The following BLVRA variants were observed in gnomAD, a reference collection of about 807,000 sequenced individuals.
BLVRA encodes biliverdin reductase A.
BLVRA carries 22 observed loss-of-function variants against 32.8 expected under a neutral mutation model. That is an observed-to-expected ratio of 0.67 (90% CI 0.48 to 0.96). The LOEUF (loss-of-function observed/expected upper bound fraction) is 0.96, where lower values mean the gene tolerates loss of function less well. Ranked by LOEUF, BLVRA falls within the 40% of genes least tolerant of loss-of-function variation. The probability of loss-of-function intolerance (pLI) is 0.00; values close to 1 mark genes in which losing one functional copy is unlikely to be tolerated. For missense variants in BLVRA, 323 were observed against 358.1 expected (o/e 0.90, Z 0.79); for synonymous variants, 119 against 141.3 (o/e 0.84, Z 1.12).
intron 6 of BLVRA, among the ~76,000 whole-genome samples, chr7:43,801,480 A>G (rs1240646630): frequency 6.6e-6 from 1 of 152,202 alleles, no homozygotes; most frequent in African/African-American, 2.4e-5. Flanking sequence ...CTTTCATTAC[A>G]GAAAGGAGAC....
At chr7:43,759,662 C>T (rs1424392361) in intron 1 of BLVRA, among the ~76,000 whole-genome samples, 1 of 152,214 alleles carries the variant, frequency 6.6e-6, no homozygotes, top group Non-Finnish European at 1.5e-5. Flanking sequence ...TAGCTGTCAT[C>T]ATCACCACCT....
At position 43,771,292 on chromosome 7, in the gene BLVRA, T is replaced by C. The variant is rs371378477; in HGVS notation, c.12+122T>C. 67 of 1,187,976 alleles carry C rather than the reference T, an allele frequency of 5.6e-5. No individual in the cohort carries two copies. The African/African-American group carries it at 8.9e-4, about 16-fold the overall frequency. The allele number at this position is 1,187,976 out of a possible 1,614,324, so 73.6% of individuals were successfully genotyped here. A position where few individuals can be genotyped will look rare whatever the true frequency, so the allele number is the denominator to read the frequency against. ...CACAAACTTGAGAACATTTCCCCTCTAGCCTACTGAAGTGCACGTGGTTCT... is the reference window on the plus strand; with the variant it reads ...CACAAACTTGAGAACATTTCCCCTCCAGCCTACTGAAGTGCACGTGGTTCT... On this transcript the variant is annotated intron_variant, in intron 2 of 7. Coordinates refer to ENST00000265523, the MANE Select transcript of BLVRA (RefSeq NM_000712.4).
Position 43,807,076 on chromosome 7 carries a change from A to T in BLVRA, c.732A>T (p.Val244=). 2 of 1,614,240 alleles carry T rather than the reference A, an allele frequency of 1.2e-6. No homozygotes were observed. The highest frequency in any genetic ancestry group is 1.7e-6 in the Non-Finnish European group (2 of 1,180,034). The change falls in exon 8 of 8, where the codon GTA becomes GTT. Residue 244 remains valine, a synonymous_variant. Coordinates refer to ENST00000265523, the MANE Select transcript of BLVRA (RefSeq NM_000712.4). ...GGTCCTTGGAGAATGTGCCAAATGTAGGAGTGAATAAGAACATATTTCTGA... is the reference window on the plus strand; with the variant it reads ...GGTCCTTGGAGAATGTGCCAAATGTTGGAGTGAATAAGAACATATTTCTGA... ...KSGSLENVPN[V]GVNKNIFLKD... is the part of the protein sequence containing the mutation.
chr7:43,762,605 C>CTTTTTT (rs1563533682), intron 1 of BLVRA, among the ~76,000 whole-genome samples: 1 of 118,652 alleles, frequency 8.4e-6, no homozygotes, highest in Non-Finnish European at 1.8e-5. Flanking sequence ...CCCAGTAGTT[C>CTTTTTT]CTTTTTTTTT....
intron 1 of BLVRA, among the ~76,000 whole-genome samples, chr7:43,763,093 C>A (rs1351239477): frequency 6.6e-6 from 1 of 152,094 alleles, no homozygotes. Context: ...TTTAAGGAGA[C>A]TTTTTATAGA....
intron 3 of BLVRA, among the ~76,000 whole-genome samples, chr7:43,790,916 A>G (rs531693373): frequency 6.6e-6 from 1 of 152,204 alleles, no homozygotes; most frequent in South Asian, 2.1e-4. Flanking sequence ...CAAGTGATCC[A>G]CCCACCTCGG....
chr7:43,774,219 C>G (rs983807280), intron 2 of BLVRA, among the ~76,000 whole-genome samples: 1 of 152,178 alleles, frequency 6.6e-6, no homozygotes, highest in African/African-American at 2.4e-5. Context: ...TTGCCCATGC[C>G]TATGTCCTGA....
intron 2 of BLVRA, among the ~76,000 whole-genome samples, chr7:43,778,098 G>A (rs1343169056): frequency 6.6e-6 from 1 of 152,090 alleles, no homozygotes; most frequent in Non-Finnish European, 1.5e-5. Flanking sequence ...ATTTCCTCCT[G>A]TAGCTCAGAG....
chr7:43,803,610 C>CCCCCTCCTGCTTT, intron 6 of BLVRA, 66 bp from the exon 7 acceptor site: 1 of 1,471,920 alleles, frequency 6.8e-7, no homozygotes, highest in Non-Finnish European at 9.4e-7. Context: ...ACCCCCACCC[C>CCCCCTCCTGCTTT]CCTGTCCTGC....
At position 43,788,839 on chromosome 7, in the gene BLVRA, A is replaced by T. The variant is rs1285312630; in HGVS notation, c.134+814A>T. Among the ~76,000 whole-genome samples, 9 of 146,896 alleles carry T rather than the reference A, an allele frequency of 6.1e-5. No individual in the cohort carries two copies. In the East Asian group the frequency reaches 1.8e-3, roughly 29 times the overall value. On this transcript the variant is annotated intron_variant, in intron 3 of 7. Transcript: ENST00000265523. ...TTTTTTGTAGAGACAGGGTCTCCCT[A>T]TGTTGCCTAGACTGGTCTCAAACTC...
At chr7:43,799,830 A>C (rs1022476297) in intron 5 of BLVRA, among the ~76,000 whole-genome samples, 3 of 152,168 alleles carry the variant, frequency 2.0e-5, no homozygotes, top group African/African-American at 7.2e-5. Flanking sequence ...CTAGAACAGT[A>C]GCTAACTGTC....
At chr7:43,792,888 A>C in intron 5 of BLVRA, 76 bp downstream of exon 5, 2 of 1,375,898 alleles carry the variant, frequency 1.5e-6, no homozygotes, top group South Asian at 2.4e-5. Context: ...ACTTAACCCC[A>C]TTTCAGATAT....
At chr7:43,797,707 G>A (rs578191591) in intron 5 of BLVRA, among the ~76,000 whole-genome samples, 1 of 152,232 alleles carries the variant, frequency 6.6e-6, no homozygotes, top group African/African-American at 2.4e-5. Flanking sequence ...ATGGCAAAAT[G>A]ACTGAGTTCA....
At chr7:43,791,219 G>C in intron 3 of BLVRA, 30 bp from the exon 4 acceptor site, 1 of 1,613,678 alleles carries the variant, frequency 6.2e-7, no homozygotes, top group Non-Finnish European at 8.5e-7. Context: ...GTCTACCATT[G>C]AGTTCCATTT....
chr7:43,791,207 C>T (rs2095785489), intron 3 of BLVRA, 42 bp from the exon 4 acceptor site: 1 of 1,612,688 alleles, frequency 6.2e-7, no homozygotes, highest in Non-Finnish European at 8.5e-7. Context: ...CTCCTTTCTT[C>T]TGTCTACCAT....
At chr7:43,761,921 A>C (rs2095742743) in intron 1 of BLVRA, among the ~76,000 whole-genome samples, 1 of 152,160 alleles carries the variant, frequency 6.6e-6, no homozygotes, top group Non-Finnish European at 1.5e-5. Flanking sequence ...TGTCCCATGT[A>C]GCTATTATAT....
chr7:43,785,943 C>G (rs770564359), intron 2 of BLVRA, among the ~76,000 whole-genome samples: 13 of 151,952 alleles, frequency 8.6e-5, no homozygotes, highest in Non-Finnish European at 8.8e-5. Context: ...AATAAATATT[C>G]TAATTAATCC....
chr7:43,765,431 T>C (rs2095746721), intron 1 of BLVRA, among the ~76,000 whole-genome samples: 1 of 152,128 alleles, frequency 6.6e-6, no homozygotes, highest in Admixed American at 6.5e-5. Flanking sequence ...TTTGTAATTT[T>C]AGTAGAGACA....
At chr7:43,794,165 G>A (rs529700223) in intron 5 of BLVRA, among the ~76,000 whole-genome samples, 3 of 152,034 alleles carry the variant, frequency 2.0e-5, no homozygotes, top group Non-Finnish European at 4.4e-5. Context: ...AGGAGGTTGA[G>A]GCTGCACTGA....
Sources: gnomAD v4.1 joint callset for allele counts (sites outside exome capture counted in the v4.1 genomes callset) on GRCh38, gnomAD v4.1.1 for gene constraint, MANE v1.5 for transcripts, NCBI Gene and HGNC (gene_info 2026-07-23, HGNC 2026-07-21) for gene names.